Variants in DMD observed in about 807,000 individuals in gnomAD.
DMD encodes the protein dystrophin, also known as mutant dystrophin.
Under a neutral mutation model 330.1 loss-of-function variants are expected in DMD, and 63 were observed. The observed-to-expected ratio is 0.19, with a 90% CI of 0.16 to 0.24. DMD has a LOEUF of 0.24. DMD is among the 10% of genes least tolerant of loss of function. DMD has a pLI of 1.00. For missense variants in DMD, 3,344 were observed against 2,684.1 expected, an observed-to-expected ratio of 1.25 and a Z score of -5.43; for synonymous variants, 1,223 against 959.8, an observed-to-expected ratio of 1.27 and a Z score of -5.07.
At chrX:32,942,942 A>G (rs1441022574) in intron 2 of DMD, among the ~76,000 whole-genome samples, 1 of 111,836 alleles carries the variant, frequency 8.9e-6, no homozygotes, top group Non-Finnish European at 1.9e-5. Flanking sequence ...TGTTTTGAAG[A>G]AAAAAATTAA....
intron 60 of DMD, among the ~76,000 whole-genome samples, chrX:31,421,464 C>G (rs1336902457): frequency 9.0e-6 from 1 of 111,727 alleles, no homozygotes; most frequent in Non-Finnish European, 1.9e-5. Context: ...TAATGATCAT[C>G]TCTACTTTTA....
chrX:32,349,400 G>T (rs946633371), intron 37 of DMD, among the ~76,000 whole-genome samples: 1 of 111,125 alleles, frequency 9.0e-6, no homozygotes, highest in Non-Finnish European at 1.9e-5. Flanking sequence ...TTTTATATGG[G>T]ATAGCTCTTG....
chrX:32,804,198 A>T (rs1418131357), intron 7 of DMD, among the ~76,000 whole-genome samples: 1 of 111,754 alleles, frequency 8.9e-6, no homozygotes, highest in Non-Finnish European at 1.9e-5. Flanking sequence ...TCCAACGCCC[A>T]CGGAGCCCAG....
At chrX:32,800,385 ATTAT>A (rs1569524483) in intron 7 of DMD, among the ~76,000 whole-genome samples, 1 of 111,543 alleles carries the variant, frequency 9.0e-6, no homozygotes, top group African/African-American at 3.3e-5. Context: ...CTTATGAGTT[ATTAT>A]TTTTTTCTTT....
rs146132721 is a variant in DMD at position 32,324,259 on chromosome X, T to C, written c.5923-13983A>G. Reference sequence around the variant, plus strand: ...GTAGCAAAATATTACATGTACCCTATAAAGATGTAAAAATATTTGCATAAG... The same window carrying C: ...GTAGCAAAATATTACATGTACCCTACAAAGATGTAAAAATATTTGCATAAG... On this transcript the variant is annotated intron_variant, in intron 41 of 78. Transcript: ENST00000357033. Among the ~76,000 whole-genome samples, 350 of 111,725 alleles carry C rather than the reference T, an allele frequency of 3.1e-3. 11 individuals are homozygous for C. In the East Asian group the frequency reaches 0.084, roughly 27 times the overall value.
At chrX:32,875,116 AC>A (rs1324289893) in intron 2 of DMD, among the ~76,000 whole-genome samples, 3 of 112,265 alleles carry the variant, frequency 2.7e-5, no homozygotes, top group Non-Finnish European at 5.6e-5. Flanking sequence ...GTAATAGAAA[AC>A]CAGAAGAGTA....
At chrX:33,090,159 A>G (rs977132474) in intron 1 of DMD, among the ~76,000 whole-genome samples, 4 of 110,433 alleles carry the variant, frequency 3.6e-5, no homozygotes, top group African/African-American at 9.8e-5. Flanking sequence ...TCGGAGATAC[A>G]TGGAATTTGT....
In DMD at chrX:31,624,189, C is replaced by A. The variant is rs73455934; in HGVS notation, c.8217+3484G>T. ...TTTCACCCCTAAAGGCTTTGTATGGCGTTCTATAAAAATACATTTGCTTAA... is the reference window on the plus strand; with the variant it reads ...TTTCACCCCTAAAGGCTTTGTATGGAGTTCTATAAAAATACATTTGCTTAA... On this transcript the variant is annotated intron_variant, in intron 55 of 78. Coordinates refer to ENST00000357033, the MANE Select transcript of DMD (RefSeq NM_004006.3). Among the ~76,000 whole-genome samples, 800 of 111,506 alleles carry A rather than the reference C, an allele frequency of 7.2e-3. 5 individuals are homozygous for A. Among genetic ancestry groups the A allele is most frequent in the African/African-American group, 0.024 (741 of 30,729 alleles).
At chrX:33,233,350 C>T (rs1232717296) in intron 1 of DMD, among the ~76,000 whole-genome samples, 1 of 111,849 alleles carries the variant, frequency 8.9e-6, no homozygotes, top group African/African-American at 3.2e-5. Flanking sequence ...TTAGGGTTCA[C>T]AGCAATTTTA....
intron 60 of DMD, among the ~76,000 whole-genome samples, chrX:31,422,010 T>C (rs2063448107): frequency 1.4e-5 from 1 of 69,808 alleles, no homozygotes; most frequent in Non-Finnish European, 2.4e-5. Context: ...CACATATATA[T>C]ATATATAAAC....
At chrX:31,992,712 C>CT (rs2095559056) in intron 44 of DMD, among the ~76,000 whole-genome samples, 1 of 110,637 alleles carries the variant, frequency 9.0e-6, no homozygotes, top group African/African-American at 3.3e-5. Flanking sequence ...GTCATATATA[C>CT]TTTTGTAGAG....
At chrX:32,831,175 C>T (rs936204380) in intron 4 of DMD, among the ~76,000 whole-genome samples, 2 of 110,889 alleles carry the variant, frequency 1.8e-5, no homozygotes, top group African/African-American at 6.5e-5. Flanking sequence ...TCGTCATTTG[C>T]TTGTTCGAGA....
chrX:31,941,426 C>A (rs1216983235), intron 45 of DMD, among the ~76,000 whole-genome samples: 1 of 111,432 alleles, frequency 9.0e-6, no homozygotes, highest in African/African-American at 3.3e-5. Flanking sequence ...ATTCTTCTCT[C>A]TCCCTCACTC....
chrX:31,548,145 G>A (rs2074258369), intron 55 of DMD, among the ~76,000 whole-genome samples: 1 of 111,796 alleles, frequency 8.9e-6, no homozygotes, highest in Admixed American at 9.5e-5. Context: ...CAGGTCTTGG[G>A]GCTTTTGACT....
chrX:33,003,875 T>A (rs986615900), intron 2 of DMD, among the ~76,000 whole-genome samples: 5 of 112,520 alleles, frequency 4.4e-5, no homozygotes, highest in Non-Finnish European at 9.4e-5. Context: ...CAAAATTGTA[T>A]TCGATGTTTC....
intron 9 of DMD, among the ~76,000 whole-genome samples, chrX:32,673,313 T>C (rs1312461411): frequency 9.0e-6 from 1 of 111,465 alleles, no homozygotes; most frequent in East Asian, 2.8e-4. Context: ...TCCTAAGTCA[T>C]GTGCCTTACG....
chrX:31,556,908 AAATTT>A (rs201220990), intron 55 of DMD, among the ~76,000 whole-genome samples: 2,481 of 111,771 alleles, frequency 0.022, 27 homozygotes, highest in Non-Finnish European at 0.036. Context: ...CAATTTGGAG[AAATTT>A]AATTTAAGTT....
chrX:31,798,339 G>C (rs928408450), intron 50 of DMD, among the ~76,000 whole-genome samples: 2 of 110,137 alleles, frequency 1.8e-5, no homozygotes, highest in African/African-American at 6.6e-5. Flanking sequence ...ACATGGAGTT[G>C]TCACTCAAGC....
At chrX:33,156,570 A>G (rs2048516044) in intron 1 of DMD, among the ~76,000 whole-genome samples, 1 of 111,950 alleles carries the variant, frequency 8.9e-6, no homozygotes, top group Non-Finnish European at 1.9e-5. Flanking sequence ...TAAAACTTTG[A>G]AGATAAGCAA....
Sources: allele counts gnomAD v4.1 joint callset (sites outside exome capture counted in the v4.1 genomes callset), GRCh38; gene constraint gnomAD v4.1.1; transcripts MANE v1.5; gene names NCBI Gene and HGNC (gene_info 2026-07-23, HGNC 2026-07-21).